The following RAB11FIP4 variants were observed in gnomAD, a reference collection of about 807,000 sequenced individuals.
The protein encoded by RAB11FIP4 is RAB11 family interacting protein 4, also known as rab11 family-interacting protein 4.
A neutral mutation model predicts 74.3 loss-of-function variants in RAB11FIP4; 23 were observed. The ratio of observed to expected loss-of-function variants is 0.31; its 90% CI spans 0.22 to 0.44. The LOEUF (loss-of-function observed/expected upper bound fraction) is 0.44, where lower values mean the gene tolerates loss of function less well. Among genes scored for constraint, RAB11FIP4 ranks in the 20% least tolerant of loss-of-function variants. RAB11FIP4 has a pLI of 1.00. For missense variants in RAB11FIP4, 630 were observed against 863.9 expected (o/e 0.73, Z 3.39); for synonymous variants, 360 against 359.9 (o/e 1.00, Z 0.00).
At chr17:31,441,377 T>C (rs968042139) in intron 3 of RAB11FIP4, among the ~76,000 whole-genome samples, 4 of 152,114 alleles carry the variant, frequency 2.6e-5, no homozygotes, top group Admixed American at 2.0e-4. Context: ...CTTCTTAGGG[T>C]GACTATATTT....
At chr17:31,417,622 G>A (rs2071160674) in intron 1 of RAB11FIP4, among the ~76,000 whole-genome samples, 1 of 152,228 alleles carries the variant, frequency 6.6e-6, no homozygotes. Flanking sequence ...CGATGCCCAT[G>A]GGGGCCAGGA....
chr17:31,423,648 C>T (rs965303545), intron 1 of RAB11FIP4, among the ~76,000 whole-genome samples: 2 of 151,974 alleles, frequency 1.3e-5, no homozygotes, highest in Admixed American at 6.6e-5. Context: ...CTATTCAGAT[C>T]CACCCCAAGT....
chr17:31,447,270 CGT>C (rs1205573133), intron 3 of RAB11FIP4, among the ~76,000 whole-genome samples: 2 of 152,078 alleles, frequency 1.3e-5, no homozygotes, highest in Admixed American at 6.6e-5. Flanking sequence ...GGCCACAGAG[CGT>C]GAGACTCCGT....
In RAB11FIP4 at chr17:31,512,678, G is replaced by A. The variant is rs9910757; in HGVS notation, c.337-4973G>A. Among the ~76,000 whole-genome samples the A allele has an allele frequency of 0.42, 64,159 of 151,818 alleles. 14,245 individuals are homozygous for A. The highest frequency in any genetic ancestry group is 0.57 in the South Asian group (2,758 of 4,820). On this transcript the variant is annotated intron_variant, in intron 3 of 14. Coordinates refer to ENST00000621161, the MANE Select transcript of RAB11FIP4 (RefSeq NM_032932.6). The surrounding 1 kb of genome is among the most constrained non-coding windows in gnomAD (Gnocchi z 4.1). Reference sequence around the variant, plus strand: ...TGGCAAGTCAGACTGTGCCAGAGACGATGCCCGGTGCTGCCTCCTGAGGAT... The same window carrying A: ...TGGCAAGTCAGACTGTGCCAGAGACAATGCCCGGTGCTGCCTCCTGAGGAT...
At chr17:31,430,280 A>G (rs376918388) in intron 1 of RAB11FIP4, among the ~76,000 whole-genome samples, 10 of 151,922 alleles carry the variant, frequency 6.6e-5, no homozygotes, top group African/African-American at 2.2e-4. Context: ...TGAGTGATGA[A>G]GAGCATGGGA....
Position 31,392,000 on chromosome 17 carries a change from C to A in RAB11FIP4, c.148C>A (p.Gln50Lys). The change falls in exon 1 of 15, where the codon CAG (glutamine) becomes AAG (lysine). Residue 50 changes from glutamine to lysine, a missense_variant. Coordinates refer to ENST00000621161, the MANE Select transcript of RAB11FIP4 (RefSeq NM_032932.6). ...CGCGGCGCTCGGACTGCGCTTCGGC[C>A]AGGGCGAGGAGGTAAGCTGGCCCGA... Reference protein sequence around the residue: ...RVAALGLRFGQGEEVEKLVKY... With the variant: ...RVAALGLRFGKGEEVEKLVKY... The A allele has an allele frequency of 7.5e-7, 1 of 1,333,856 alleles. No homozygotes were observed. The highest frequency in any genetic ancestry group is 9.6e-7 in the Non-Finnish European group (1 of 1,042,228). The allele number at this position is 1,333,856 out of a possible 1,614,324, so 82.6% of individuals were successfully genotyped here. A position where few individuals can be genotyped will look rare whatever the true frequency, so the allele number is the denominator to read the frequency against.
In RAB11FIP4 at chr17:31,391,813, G is replaced by A. The variant is rs1191878634; in HGVS notation, c.-40G>A. 6 of 982,546 alleles carry A rather than the reference G, an allele frequency of 6.1e-6. No individual in the cohort carries two copies. In the Admixed American group the frequency reaches 1.9e-4, roughly 31 times the overall value. The allele number at this position is 982,546 out of a possible 1,614,324, so 60.9% of individuals were successfully genotyped here. A position where few individuals can be genotyped will look rare whatever the true frequency, so the allele number is the denominator to read the frequency against. On this transcript the variant is annotated 5_prime_UTR_variant, in exon 1 of 15. Coordinates refer to ENST00000621161, the MANE Select transcript of RAB11FIP4 (RefSeq NM_032932.6). ...GCGGCGGCGGGCAGGCGGCGGGCGC[G>A]GCGGGCGAGGGGTCCGGGCTGAGCT...
chr17:31,434,719 T>TA (rs1405636464), intron 3 of RAB11FIP4, among the ~76,000 whole-genome samples: 2 of 152,174 alleles, frequency 1.3e-5, no homozygotes, highest in African/African-American at 2.4e-5. Flanking sequence ...TGGTTGTACT[T>TA]ACGATGATCA....
At chr17:31,418,517 G>A (rs1215179195) in intron 1 of RAB11FIP4, among the ~76,000 whole-genome samples, 1 of 141,628 alleles carries the variant, frequency 7.1e-6, no homozygotes, top group Non-Finnish European at 1.5e-5. Flanking sequence ...AGGCTGGAGT[G>A]CAGTGGCACA....
At chr17:31,496,298 G>A (rs1321131314) in intron 3 of RAB11FIP4, among the ~76,000 whole-genome samples, 1 of 152,168 alleles carries the variant, frequency 6.6e-6, no homozygotes, top group Non-Finnish European at 1.5e-5. Flanking sequence ...CTGAGCCTCG[G>A]GATTTTCCTC....
At chr17:31,502,854 G>C (rs1347000980) in intron 3 of RAB11FIP4, among the ~76,000 whole-genome samples, 2 of 152,076 alleles carry the variant, frequency 1.3e-5, no homozygotes, top group Non-Finnish European at 2.9e-5. Context: ...AGCAGGCTTG[G>C]TTTCTTCTGA....
In RAB11FIP4 at chr17:31,530,499, G is replaced by A. The variant is rs1330227824; in HGVS notation, c.1797+30G>A. ...CCACACCACCGGCTCTTGCTTTGGG[G>A]CCTGGCCGCCCTCTGTGATTCCTTC... is the stretch of plus-strand genomic sequence containing the variant. On this transcript the variant is annotated intron_variant, in intron 14 of 14. Transcript: ENST00000621161. The A allele has an allele frequency of 2.5e-6, 4 of 1,602,202 alleles. No homozygotes were observed. In the African/African-American group the frequency reaches 5.4e-5, roughly 21 times the overall value.
intron 3 of RAB11FIP4, among the ~76,000 whole-genome samples, chr17:31,508,638 G>A (rs1267119148): frequency 6.6e-6 from 1 of 152,188 alleles, no homozygotes; most frequent in East Asian, 1.9e-4. Flanking sequence ...CTCCCTCTTG[G>A]TGCTTCCCAG....
rs533551675 is a variant in RAB11FIP4, at chr17:31,462,664, T to G, written c.336+28542T>G. Among the ~76,000 whole-genome samples, 7 of 152,226 alleles carry G rather than the reference T, an allele frequency of 4.6e-5. No homozygotes were observed. In the East Asian group the frequency reaches 1.2e-3, roughly 25 times the overall value. On this transcript the variant is annotated intron_variant, in intron 3 of 14. Transcript: ENST00000621161. Reference sequence around the variant, plus strand: ...TTTTATTTTATTTTTTGAGATGGAGTCTCACTTTGTCACCCAGGCTGGAGT... The same window carrying G: ...TTTTATTTTATTTTTTGAGATGGAGGCTCACTTTGTCACCCAGGCTGGAGT...
intron 1 of RAB11FIP4, among the ~76,000 whole-genome samples, chr17:31,398,438 G>A (rs1391582391): frequency 6.6e-6 from 1 of 152,166 alleles, no homozygotes; most frequent in Non-Finnish European, 1.5e-5. Context: ...AGGAGGAAAT[G>A]CCAGCGTTGA....
chr17:31,433,731 G>T (rs573509660), intron 2 of RAB11FIP4, among the ~76,000 whole-genome samples: 3 of 152,328 alleles, frequency 2.0e-5, no homozygotes, highest in African/African-American at 7.2e-5. Context: ...CAGGTGGGCA[G>T]CACTGCCTTA....
chr17:31,436,741 G>A (rs1181559591), intron 3 of RAB11FIP4, among the ~76,000 whole-genome samples: 3 of 140,178 alleles, frequency 2.1e-5, no homozygotes, highest in African/African-American at 5.3e-5. Context: ...GTTGCTTTGG[G>A]TTTTGTTTTT....
At chr17:31,431,644 A>G (rs1024438752) in intron 1 of RAB11FIP4, 169 bp from the exon 2 acceptor site, 9 of 585,840 alleles carry the variant, frequency 1.5e-5, no homozygotes, top group Admixed American at 3.4e-5. Context: ...GTCTGTCACC[A>G]TGGGGAGAAT....
intron 3 of RAB11FIP4, among the ~76,000 whole-genome samples, chr17:31,481,146 C>T (rs1477706798): frequency 1.3e-5 from 2 of 152,162 alleles, no homozygotes; most frequent in Non-Finnish European, 2.9e-5. Flanking sequence ...ACGATCCCTT[C>T]ACCTGTGATC....
Sources: gnomAD v4.1 joint callset for allele counts (sites outside exome capture counted in the v4.1 genomes callset) on GRCh38, gnomAD v4.1.1 for gene constraint, Gnocchi (gnomAD v3.1) non-coding constraint, MANE v1.5 for transcripts, NCBI Gene and HGNC (gene_info 2026-07-23, HGNC 2026-07-21) for gene names.